The following CNTNAP5 variants were observed in gnomAD, a reference collection of about 807,000 sequenced individuals.
CNTNAP5 encodes the protein contactin-associated protein-like 5.
In CNTNAP5, 72 loss-of-function variants were observed where a neutral mutation model predicts 150.2. The ratio of observed to expected loss-of-function variants is 0.48; its 90% CI spans 0.40 to 0.58. The LOEUF is 0.58. CNTNAP5 is among the 20% of genes least tolerant of loss of function. The pLI, the probability that CNTNAP5 is intolerant of heterozygous loss-of-function variation, is 0.00. For missense variants in CNTNAP5, 1,636 were observed against 1,626.2 expected (o/e 1.01, Z -0.10); for synonymous variants, 672 against 619.8 (o/e 1.08, Z -1.25).
At chr2:124,734,653 T>C (rs1231196613) in intron 13 of CNTNAP5, among the ~76,000 whole-genome samples, 2 of 152,020 alleles carry the variant, frequency 1.3e-5, no homozygotes, top group Non-Finnish European at 2.9e-5. Flanking sequence ...TAACCAGAAA[T>C]TTGGTGACCT....
rs148600613 is a variant in CNTNAP5 at position 124,400,803 on chromosome 2, G to C, written c.382-16640G>C. ...CCATACATGTTGGTGTTATCTCTCA[G>C]TGCAGAGACAGAAATATAAATATAT... On this transcript the variant is annotated intron_variant, in intron 3 of 23. Coordinates refer to ENST00000682447, the MANE Select transcript of CNTNAP5 (RefSeq NM_001367498.1). Among the ~76,000 whole-genome samples the C allele has an allele frequency of 1.8e-3, 272 of 151,136 alleles. 1 individual carries two copies. Among genetic ancestry groups the C allele is most frequent in the Middle Eastern group, 7.0e-3 (2 of 284 alleles).
chr2:124,206,695 C>A (rs1174175506), intron 1 of CNTNAP5, among the ~76,000 whole-genome samples: 1 of 152,116 alleles, frequency 6.6e-6, no homozygotes, highest in Admixed American at 6.5e-5. Context: ...GGAGCTTGAA[C>A]CTAAATTATA....
intron 1 of CNTNAP5, among the ~76,000 whole-genome samples, chr2:124,152,691 C>G (rs926453242): frequency 1.3e-5 from 2 of 151,962 alleles, no homozygotes; most frequent in African/African-American, 2.4e-5. Context: ...CCAAGCAAGG[C>G]GATGTCACAG....
intron 1 of CNTNAP5, among the ~76,000 whole-genome samples, chr2:124,067,559 G>A (rs987256908): frequency 1.3e-5 from 2 of 152,074 alleles, no homozygotes; most frequent in African/African-American, 4.8e-5. Flanking sequence ...TCTTGCAATC[G>A]CATCTGCAAA....
intron 3 of CNTNAP5, among the ~76,000 whole-genome samples, chr2:124,363,101 G>T (rs1025499226): frequency 1.3e-5 from 2 of 152,160 alleles, no homozygotes; most frequent in African/African-American, 4.8e-5. Context: ...TGATATGAAG[G>T]CACTATGATG....
chr2:124,469,748 C>A (rs1248937085), intron 6 of CNTNAP5, among the ~76,000 whole-genome samples: 1 of 152,052 alleles, frequency 6.6e-6, no homozygotes, highest in Non-Finnish European at 1.5e-5. Flanking sequence ...TCCACAGGCC[C>A]CACTGTGAGT....
At chr2:124,245,615 ATG>A (rs1558817511) in intron 3 of CNTNAP5, among the ~76,000 whole-genome samples, 1 of 151,184 alleles carries the variant, frequency 6.6e-6, no homozygotes, top group African/African-American at 2.4e-5. Context: ...ATATATATGC[ATG>A]TGTGTGTATA....
chr2:124,199,793 T>C (rs1373136745), intron 1 of CNTNAP5, among the ~76,000 whole-genome samples: 1 of 152,252 alleles, frequency 6.6e-6, no homozygotes, highest in Non-Finnish European at 1.5e-5. Context: ...CTGGTGTATC[T>C]AAACACAATT....
At chr2:124,083,788 CCTT>C (rs1209533440) in intron 1 of CNTNAP5, among the ~76,000 whole-genome samples, 1 of 151,574 alleles carries the variant, frequency 6.6e-6, no homozygotes, top group Non-Finnish European at 1.5e-5. Context: ...TTCCAGCTTT[CCTT>C]CTTTCTTTCT....
chr2:124,739,723 C>T (rs185470223), intron 13 of CNTNAP5, among the ~76,000 whole-genome samples: 6 of 152,296 alleles, frequency 3.9e-5, no homozygotes, highest in African/African-American at 9.6e-5. Context: ...TCTTTCTCCA[C>T]GGCACACTTT....
At chr2:124,725,536 T>G (rs998484134) in intron 13 of CNTNAP5, among the ~76,000 whole-genome samples, 4 of 149,896 alleles carry the variant, frequency 2.7e-5, no homozygotes, top group Admixed American at 6.7e-5. Flanking sequence ...TCTTGTTTCC[T>G]TCCTCTCTCT....
intron 17 of CNTNAP5, among the ~76,000 whole-genome samples, chr2:124,782,544 A>C (rs745547608): frequency 2.6e-5 from 4 of 152,234 alleles, no homozygotes; most frequent in Admixed American, 2.0e-4. Flanking sequence ...AGTGTAAATC[A>C]GATTTCCAAT....
At chr2:124,216,122 G>A (rs927646209) in intron 1 of CNTNAP5, among the ~76,000 whole-genome samples, 20 of 152,238 alleles carry the variant, frequency 1.3e-4, no homozygotes, top group African/African-American at 4.6e-4. Context: ...GCAAAGTTAC[G>A]CAAACAGGAC....
At chr2:124,636,814 G>A (rs1677979193) in intron 12 of CNTNAP5, among the ~76,000 whole-genome samples, 1 of 151,818 alleles carries the variant, frequency 6.6e-6, no homozygotes. Flanking sequence ...CAAACCTACA[G>A]AAAAGTTGAA....
chr2:124,327,399 T>C (rs1287970056), intron 3 of CNTNAP5, among the ~76,000 whole-genome samples: 2 of 152,190 alleles, frequency 1.3e-5, no homozygotes, highest in Non-Finnish European at 2.9e-5. Context: ...GGACCCCTCT[T>C]TTCAGCTGAG....
intron 21 of CNTNAP5, among the ~76,000 whole-genome samples, chr2:124,901,737 G>C (rs1678417985): frequency 1.3e-5 from 2 of 152,082 alleles, no homozygotes; most frequent in Non-Finnish European, 2.9e-5. Flanking sequence ...TACACGATTT[G>C]ATTTTTTTAT....
chr2:124,179,008 A>G (rs1206675411), intron 1 of CNTNAP5, among the ~76,000 whole-genome samples: 1 of 150,846 alleles, frequency 6.6e-6, no homozygotes, highest in Non-Finnish European at 1.5e-5. Flanking sequence ...GCTGGAGTGC[A>G]TTGCATTTTT....
chr2:124,672,718 A>G (rs1678849490), intron 13 of CNTNAP5, among the ~76,000 whole-genome samples: 1 of 152,348 alleles, frequency 6.6e-6, no homozygotes, highest in South Asian at 2.1e-4. Flanking sequence ...TGTACCAATC[A>G]GGATGGAATA....
At position 124,408,722 on chromosome 2, in the gene CNTNAP5, A is replaced by G. The variant is rs1238326740; in HGVS notation, c.382-8721A>G. ...AACAAACAGAAAGGACATCCACACC[A>G]AAAACCCATCTGTACATCACCATCA... On this transcript the variant is annotated intron_variant, in intron 3 of 23. Transcript: ENST00000682447. Among the ~76,000 whole-genome samples, 900 of 150,602 alleles carry G rather than the reference A, an allele frequency of 6.0e-3. 11 individuals carry two copies. Among genetic ancestry groups the G allele is most frequent in the African/African-American group, 0.02 (827 of 41,364 alleles).
Sources: gnomAD v4.1 joint callset for allele counts (sites outside exome capture counted in the v4.1 genomes callset) on GRCh38, gnomAD v4.1.1 for gene constraint, MANE v1.5 for transcripts, NCBI Gene and HGNC (gene_info 2026-07-23, HGNC 2026-07-21) for gene names.